MOB3B: variants seen among roughly 807,000 people sequenced by gnomAD.
MOB3B encodes MOB kinase activator-like 2B.
MOB3B carries 7 observed loss-of-function variants against 18.7 expected under a neutral mutation model. That is an observed-to-expected ratio of 0.37 (90% CI 0.21 to 0.70). The LOEUF (loss-of-function observed/expected upper bound fraction) is 0.70. MOB3B is among the 30% of genes least tolerant of loss of function. The pLI is 0.52. For synonymous variants in MOB3B, 111 were observed against 99.9 expected, an observed-to-expected ratio of 1.11 and a Z score of -0.66; for missense variants, 253 against 281.3, an observed-to-expected ratio of 0.90 and a Z score of 0.72.
intron 2 of MOB3B, among the ~76,000 whole-genome samples, chr9:27,372,691 G>A (rs1316759700): frequency 6.6e-6 from 1 of 152,160 alleles, no homozygotes; most frequent in Non-Finnish European, 1.5e-5. Context: ...ACTGAAGAAT[G>A]TTCTACAAAA....
intron 2 of MOB3B, chr9:27,378,529 G>A (rs781526432): frequency 4.2e-6 from 2 of 471,108 alleles, no homozygotes; most frequent in South Asian, 1.5e-5. Context: ...TTGGAACCAG[G>A]GGGCAGCTTG....
At chr9:27,511,879 C>A (rs767760299) in intron 1 of MOB3B, among the ~76,000 whole-genome samples, 5 of 152,172 alleles carry the variant, frequency 3.3e-5, no homozygotes, top group Non-Finnish European at 7.4e-5. Context: ...CAGAGATGGG[C>A]TAACTGTTCA....
At chr9:27,457,279 G>A (rs1234071550) in intron 1 of MOB3B, among the ~76,000 whole-genome samples, 8 of 152,168 alleles carry the variant, frequency 5.3e-5, no homozygotes, top group Admixed American at 2.6e-4. Context: ...GCTATGTTCC[G>A]TGGCCTTGAA....
intron 2 of MOB3B, among the ~76,000 whole-genome samples, chr9:27,400,639 A>T (rs1288419198): frequency 1.3e-5 from 2 of 152,238 alleles, no homozygotes; most frequent in Non-Finnish European, 2.9e-5. Context: ...TAGACTGTGA[A>T]CACTTCAAGA....
chr9:27,435,049 C>CTT (rs1288120488), intron 2 of MOB3B, among the ~76,000 whole-genome samples: 1 of 30,316 alleles, frequency 3.3e-5, no homozygotes, highest in Non-Finnish European at 6.5e-5. Flanking sequence ...TAAGGTGTTT[C>CTT]TCTCTCTCTC....
chr9:27,363,279 T>C (rs752405143), intron 2 of MOB3B, among the ~76,000 whole-genome samples: 25 of 152,164 alleles, frequency 1.6e-4, no homozygotes, highest in South Asian at 1.0e-3. Context: ...TGTTTGTTTG[T>C]TTTTGTGTTT....
At chr9:27,414,272 A>T (rs1822114772) in intron 2 of MOB3B, among the ~76,000 whole-genome samples, 1 of 152,256 alleles carries the variant, frequency 6.6e-6, no homozygotes, top group South Asian at 2.1e-4. Context: ...CCTGGCAGCA[A>T]GCAGGGAAGC....
intron 1 of MOB3B, among the ~76,000 whole-genome samples, chr9:27,528,700 C>A (rs1820479578): frequency 6.6e-6 from 1 of 152,120 alleles, no homozygotes; most frequent in South Asian, 2.1e-4. Flanking sequence ...AAACAAAAGG[C>A]CATTCGCCAC....
At chr9:27,351,917 G>A (rs561428577) in intron 3 of MOB3B, among the ~76,000 whole-genome samples, 23 of 152,268 alleles carry the variant, frequency 1.5e-4, no homozygotes, top group Admixed American at 5.9e-4. Context: ...AAAAGCACCC[G>A]TTTTTAGAGG....
intron 2 of MOB3B, among the ~76,000 whole-genome samples, chr9:27,422,149 A>G (rs912904220): frequency 6.6e-6 from 1 of 152,224 alleles, no homozygotes; most frequent in Non-Finnish European, 1.5e-5. Context: ...ATAAGTTACA[A>G]ATGGAAAATA....
At chr9:27,451,793 A>T (rs958968373) in intron 2 of MOB3B, among the ~76,000 whole-genome samples, 1 of 152,194 alleles carries the variant, frequency 6.6e-6, no homozygotes, top group Admixed American at 6.5e-5. Context: ...GATTATCTCC[A>T]TGATAATGAC....
At chr9:27,488,562 C>T (rs1427016356) in intron 1 of MOB3B, among the ~76,000 whole-genome samples, 3 of 152,152 alleles carry the variant, frequency 2.0e-5, no homozygotes, top group Admixed American at 2.0e-4. Flanking sequence ...CAAGCGCCAC[C>T]ACACTCGGCT....
At chr9:27,377,920 A>G (rs1312734186) in intron 2 of MOB3B, among the ~76,000 whole-genome samples, 3 of 152,236 alleles carry the variant, frequency 2.0e-5, no homozygotes, top group African/African-American at 7.2e-5. Context: ...GTGATGGGCA[A>G]GCCCAGCCTG....
At chr9:27,460,757 A>T (rs118019946) in intron 1 of MOB3B, among the ~76,000 whole-genome samples, 1,638 of 152,276 alleles carry the variant, frequency 0.011, 12 homozygotes, top group Non-Finnish European at 0.018. Context: ...CCATAAGAGA[A>T]ATGCCCCAGA....
intron 2 of MOB3B, among the ~76,000 whole-genome samples, chr9:27,453,004 G>A (rs1822813477): frequency 6.6e-6 from 1 of 152,138 alleles, no homozygotes; most frequent in Non-Finnish European, 1.5e-5. Flanking sequence ...AGGCTTTTAG[G>A]TCTCACCTAA....
chr9:27,414,301 T>C (rs1455491837), intron 2 of MOB3B, among the ~76,000 whole-genome samples: 1 of 152,224 alleles, frequency 6.6e-6, no homozygotes, highest in East Asian at 1.9e-4. Context: ...CATCTTTCAG[T>C]GTTCAGAGCA....
chr9:27,496,830 G>C (rs1819908708), intron 1 of MOB3B, among the ~76,000 whole-genome samples: 1 of 152,158 alleles, frequency 6.6e-6, no homozygotes, highest in African/African-American at 2.4e-5. Context: ...TTGTTATTAA[G>C]CATTTTATTT....
chr9:27,472,282 CA>C (rs1422267899), intron 1 of MOB3B, among the ~76,000 whole-genome samples: 1 of 145,978 alleles, frequency 6.9e-6, no homozygotes, highest in African/African-American at 2.5e-5. Flanking sequence ...ATAAAAGCTA[CA>C]GAAAAAAAAA....
chr9:27,527,416 C>A (rs1028982704), intron 1 of MOB3B, among the ~76,000 whole-genome samples: 5 of 152,084 alleles, frequency 3.3e-5, no homozygotes, highest in Non-Finnish European at 5.9e-5. Context: ...AGATATAATA[C>A]CCAGAAATCA....
Sources: gnomAD v4.1 joint callset for allele counts (sites outside exome capture counted in the v4.1 genomes callset) on GRCh38, gnomAD v4.1.1 for gene constraint, MANE v1.5 for transcripts, NCBI Gene and HGNC (gene_info 2026-07-23, HGNC 2026-07-21) for gene names.